IVD: variants seen among roughly 807,000 people sequenced by gnomAD.
The protein encoded by IVD is isovaleryl-CoA dehydrogenase, mitochondrial.
A neutral mutation model predicts 51.3 loss-of-function variants in IVD; 31 were observed. The observed-to-expected ratio is 0.60, with a 90% CI of 0.45 to 0.81. The LOEUF (loss-of-function observed/expected upper bound fraction) is 0.81. IVD is among the 40% of genes least tolerant of loss of function. The probability of loss-of-function intolerance (pLI) is 0.00; values close to 1 mark genes in which losing one functional copy is unlikely to be tolerated. For synonymous variants in IVD, 205 were observed against 219.4 expected (o/e 0.93, Z 0.58); for missense variants, 475 against 552.0 (o/e 0.86, Z 1.40).
downstream of IVD, among the ~76,000 whole-genome samples, chr15:40,423,451 T>C (rs537327364): frequency 6.6e-6 from 1 of 152,280 alleles, no homozygotes; most frequent in African/African-American, 2.4e-5. Flanking sequence ...GTAAGCACTT[T>C]TAAGGATAGT....
At chr15:40,433,192 G>GA (rs34521698) in intron 7 of IVD, among the ~76,000 whole-genome samples, 11 of 150,366 alleles carry the variant, frequency 7.3e-5, no homozygotes, top group African/African-American at 1.7e-4. Flanking sequence ...AATGCCGTAT[G>GA]AAAAAAAAAG....
chr15:40,409,835 CTTTTTTTTTTT>C (rs11365500), intron 3 of IVD, among the ~76,000 whole-genome samples: 1 of 131,724 alleles, frequency 7.6e-6, no homozygotes, highest in African/African-American at 2.7e-5. Flanking sequence ...CTGCTTCTTT[CTTTTTTTTTTT>C]TTTTTTTTGA....
rs766123451 is a variant in IVD at position 40,410,705 on chromosome 15, G to A, written c.364G>A (p.Val122Met). Residue 122 changes from valine to methionine, a missense_variant, in exon 4 of 12, where the codon GTG becomes ATG. Transcript: ENST00000487418. ...GGAGATATCCCGAGCTTCCGGAGCA[G>A]TGGGGCTCAGTTACGGTGCCCACTC... ...MEEISRASGA[V>M]GLSYGAHSNL... 5.0e-6 allele frequency: 8 copies of A among 1,614,236 alleles called. No homozygotes were observed. The highest frequency in any genetic ancestry group is 1.6e-4 in the Middle Eastern group (1 of 6,062).
rs1234612201 is a variant in IVD at position 40,416,114 on chromosome 15, C to T, written c.997C>T (p.Leu333Phe). ...GAAGATGGCTGACATGTACACCCGC[C>T]TCATGGCGTGTCGGCAGTATGTCTA... Reference protein sequence around the residue: ...QGKMADMYTRLMACRQYVYNV... With the variant: ...QGKMADMYTRFMACRQYVYNV... The change falls in exon 10 of 12, where the codon CTC becomes TTC. Residue 333 changes from leucine (L) to phenylalanine (F), a missense_variant. Transcript: ENST00000487418. 6.2e-7 allele frequency: 1 copy of T among 1,614,276 alleles called. No individual in the cohort carries two copies. Among genetic ancestry groups the T allele is most frequent in the Non-Finnish European group, 8.5e-7 (1 of 1,180,050 alleles).
intron 3 of IVD, 106 bp from the exon 4 acceptor site, chr15:40,410,522 G>C (rs918206802): frequency 8.7e-6 from 11 of 1,264,446 alleles, no homozygotes; most frequent in Admixed American, 8.5e-5. Flanking sequence ...TTTGGAGTAG[G>C]TGCTACAAGG....
At chr15:40,423,547 C>T (rs112693263), downstream of IVD, among the ~76,000 whole-genome samples, 244 of 152,296 alleles carry the variant, frequency 1.6e-3, no homozygotes, top group African/African-American at 4.6e-3. Flanking sequence ...CTGCAACCTC[C>T]GCCTCCTGGG....
chr15:40,425,020 G>A (rs1282431028), downstream of IVD, among the ~76,000 whole-genome samples: 2 of 152,152 alleles, frequency 1.3e-5, no homozygotes, highest in Non-Finnish European at 2.9e-5. Context: ...CAGAAGGGAG[G>A]CCCTCATCCC....
chr15:40,429,563 G>A (rs1229692940), intron 7 of IVD, among the ~76,000 whole-genome samples: 1 of 152,154 alleles, frequency 6.6e-6, no homozygotes, highest in Non-Finnish European at 1.5e-5. Flanking sequence ...TTGGCTCAGT[G>A]GAGGCCCTCT....
chr15:40,432,393 G>A (rs1261597695), intron 7 of IVD, among the ~76,000 whole-genome samples: 1 of 152,210 alleles, frequency 6.6e-6, no homozygotes, highest in Non-Finnish European at 1.5e-5. Context: ...AAGCAATGCT[G>A]TCTGCATGGC....
At chr15:40,415,557 T>G (rs1891578120) in intron 9 of IVD, 75 bp downstream of exon 9, 1 of 1,264,952 alleles carries the variant, frequency 7.9e-7, no homozygotes, top group Non-Finnish European at 1.1e-6. Context: ...GGAAGTGAGG[T>G]GGGCACCGTG....
chr15:40,430,805 C>T (rs1029065970), intron 7 of IVD, among the ~76,000 whole-genome samples: 1 of 152,214 alleles, frequency 6.6e-6, no homozygotes, highest in African/African-American at 2.4e-5. Context: ...ATCTGATGTT[C>T]TTGAAAGACC....
chr15:40,415,404 C>G lies in IVD; in HGVS notation c.882C>G (p.Leu294=), dbSNP rs1193214205. 1 of 1,614,078 alleles carries G rather than the reference C, an allele frequency of 6.2e-7. No individual in the cohort carries two copies. The highest frequency in any genetic ancestry group is 2.2e-5 in the East Asian group (1 of 44,870). ...RLVLAGGPLG[L]MQAVLDHTIP... is the part of the protein sequence containing the mutation. ...GGGCCTTTCTCCTTTCTGACAGGCT[C>G]ATGCAAGCGGTCCTGGACCACACCA... Residue 294 remains leucine (L), a synonymous_variant, in exon 9 of 12, where the codon CTC becomes CTG. Transcript: ENST00000487418.
intron 7 of IVD, among the ~76,000 whole-genome samples, chr15:40,430,399 G>A (rs1892905938): frequency 6.6e-6 from 1 of 152,222 alleles, no homozygotes; most frequent in Non-Finnish European, 1.5e-5. Context: ...CTGAGCCCGA[G>A]AGATGAGATC....
chr15:40,435,235 G>A (rs574443206), intron 8 of IVD, among the ~76,000 whole-genome samples: 1 of 152,286 alleles, frequency 6.6e-6, no homozygotes, highest in African/African-American at 2.4e-5. Context: ...TGTCTTTCTT[G>A]TTGCTGCTCC....
chr15:40,427,282 C>G (rs531900311), downstream of IVD, among the ~76,000 whole-genome samples: 4 of 152,352 alleles, frequency 2.6e-5, no homozygotes, highest in South Asian at 4.1e-4. Flanking sequence ...GTGCCTTGTG[C>G]CCGTCCAGGA....
chr15:40,412,197 G>A lies in IVD; in HGVS notation c.687+506G>A, dbSNP rs1891153769. Among the ~76,000 whole-genome samples, 3 of 152,206 alleles carry A rather than the reference G, an allele frequency of 2.0e-5. No homozygotes were observed. The South Asian group carries it at 6.2e-4, about 31-fold the overall frequency. ...AAAAGGGAAGAAAAAAGAAAATAGAGGGAGAAATTGAAAAGTGTGGGAATG... is the reference window on the plus strand; with the variant it reads ...AAAAGGGAAGAAAAAAGAAAATAGAAGGAGAAATTGAAAAGTGTGGGAATG... On this transcript the variant is annotated intron_variant, in intron 6 of 11. Transcript: ENST00000487418.
chr15:40,410,606 C>A lies in IVD; in HGVS notation c.287-22C>A, dbSNP rs750104848. On this transcript the variant is annotated intron_variant, in intron 3 of 11. Transcript: ENST00000487418. ...TTAATCTGGGCTGCGTTTTCCACTCCCTTGTACCACACCACTCACAGTTCA... is the reference window on the plus strand; with the variant it reads ...TTAATCTGGGCTGCGTTTTCCACTCACTTGTACCACACCACTCACAGTTCA... 3 of 1,613,886 alleles carry A rather than the reference C, an allele frequency of 1.9e-6. No homozygotes were observed. In the African/African-American group the frequency reaches 4.0e-5, roughly 22 times the overall value.
intron 5 of IVD, 21 bp downstream of exon 5, chr15:40,411,374 G>C (rs1442244827): frequency 2.5e-6 from 4 of 1,613,352 alleles, no homozygotes; most frequent in Non-Finnish European, 2.5e-6. Flanking sequence ...TCTCAACTTG[G>C]GAGCCAAAAT....
At chr15:40,421,844 C>T (rs1392506125), downstream of IVD, among the ~76,000 whole-genome samples, 5 of 152,318 alleles carry the variant, frequency 3.3e-5, no homozygotes, top group South Asian at 2.1e-4. Context: ...TTTCAGAAGA[C>T]CGGTAAGGTG....
Sources: gnomAD v4.1 joint callset for allele counts (sites outside exome capture counted in the v4.1 genomes callset) on GRCh38, gnomAD v4.1.1 for gene constraint, MANE v1.5 for transcripts, NCBI Gene and HGNC (gene_info 2026-07-23, HGNC 2026-07-21) for gene names.